WWOX: variants seen among roughly 807,000 people sequenced by gnomAD.
The protein encoded by WWOX is WW domain-containing oxidoreductase.
Under a neutral mutation model 46.2 loss-of-function variants are expected in WWOX, and 69 were observed. That is an observed-to-expected ratio of 1.49 (90% CI 1.23 to 1.82). The LOEUF (loss-of-function observed/expected upper bound fraction) is 1.82. Ranked by LOEUF, WWOX falls within the 40% of genes most tolerant of loss-of-function variation. The pLI is 0.00. For synonymous variants in WWOX, 359 were observed against 202.6 expected (o/e 1.77, Z -6.56); for missense variants, 919 against 542.6 (o/e 1.69, Z -6.89).
intron 8 of WWOX, among the ~76,000 whole-genome samples, chr16:78,606,731 T>G (rs1234199695): frequency 2.7e-5 from 4 of 150,594 alleles, no homozygotes; most frequent in East Asian, 1.9e-4. Flanking sequence ...TTTTTTTTTT[T>G]TTTTTTTTTT....
chr16:78,349,655 G>C (rs1035671877), intron 5 of WWOX, among the ~76,000 whole-genome samples: 1 of 120,068 alleles, frequency 8.3e-6, no homozygotes, highest in Admixed American at 8.1e-5. Flanking sequence ...GCACCCTTCC[G>C]ACAATCCTTC....
intron 8 of WWOX, among the ~76,000 whole-genome samples, chr16:79,007,266 A>G (rs1441863655): frequency 2.0e-5 from 3 of 152,158 alleles, no homozygotes; most frequent in African/African-American, 4.8e-5. Context: ...GAGAATAACA[A>G]AGGGAGGGAC....
intron 8 of WWOX, among the ~76,000 whole-genome samples, chr16:78,687,599 TA>T (rs5818161): frequency 0.4 from 60,600 of 151,908 alleles, 12,534 homozygotes; most frequent in Admixed American, 0.54. Flanking sequence ...GAGACCCCAA[TA>T]AACATATTTT....
chr16:78,732,170 T>G (rs950659815), intron 8 of WWOX, among the ~76,000 whole-genome samples: 9 of 152,086 alleles, frequency 5.9e-5, no homozygotes, highest in Admixed American at 4.6e-4. Flanking sequence ...AAAACTTGAA[T>G]CTGGGCCACC....
At chr16:78,158,232 G>T (rs144958932) in intron 4 of WWOX, among the ~76,000 whole-genome samples, 1 of 152,126 alleles carries the variant, frequency 6.6e-6, no homozygotes, top group Admixed American at 6.5e-5. Flanking sequence ...GGAAGATAAC[G>T]GTATGCTGAT....
Position 78,791,257 on chromosome 16 carries a change from C to T in WWOX, c.1056+358505C>T, listed in dbSNP as rs1483922872. ...CATGGGAAGCAAACACACACCCTCCCTCCGATCCACCAGGCACTCGGGTTT... is the reference window on the plus strand; with the variant it reads ...CATGGGAAGCAAACACACACCCTCCTTCCGATCCACCAGGCACTCGGGTTT... On this transcript the variant is annotated intron_variant, in intron 8 of 8. Coordinates refer to ENST00000566780, the MANE Select transcript of WWOX (RefSeq NM_016373.4). Among the ~76,000 whole-genome samples, 5 of 152,190 alleles carry T rather than the reference C, an allele frequency of 3.3e-5. No homozygotes were observed. The South Asian group carries it at 8.3e-4, about 25-fold the overall frequency.
chr16:78,443,730 G>T (rs943338544), intron 8 of WWOX, among the ~76,000 whole-genome samples: 2 of 152,162 alleles, frequency 1.3e-5, no homozygotes, highest in African/African-American at 4.8e-5. Flanking sequence ...TCTTCTGTGT[G>T]CCCGTTGGCA....
intron 8 of WWOX, among the ~76,000 whole-genome samples, chr16:78,781,476 C>T (rs554783737): frequency 1.3e-5 from 2 of 152,268 alleles, no homozygotes; most frequent in Admixed American, 6.5e-5. Flanking sequence ...AACTGCTTTT[C>T]TTTTATCAGC....
intron 8 of WWOX, among the ~76,000 whole-genome samples, chr16:78,520,351 T>C (rs2043321822): frequency 6.6e-6 from 1 of 152,216 alleles, no homozygotes; most frequent in African/African-American, 2.4e-5. Context: ...AAGGAGTAAT[T>C]TGACCAGCCC....
chr16:79,131,306 G>C (rs981720965), intron 8 of WWOX, among the ~76,000 whole-genome samples: 1 of 152,150 alleles, frequency 6.6e-6, no homozygotes, highest in Non-Finnish European at 1.5e-5. Flanking sequence ...ATGGATCCTT[G>C]AGTGAGTTAT....
intron 8 of WWOX, among the ~76,000 whole-genome samples, chr16:78,951,254 A>C (rs1218971218): frequency 6.6e-6 from 1 of 152,176 alleles, no homozygotes; most frequent in African/African-American, 2.4e-5. Context: ...CCATCTCTGT[A>C]AACTTCATTT....
intron 8 of WWOX, among the ~76,000 whole-genome samples, chr16:79,003,140 C>G (rs2047126407): frequency 6.6e-6 from 1 of 152,176 alleles, no homozygotes; most frequent in African/African-American, 2.4e-5. Flanking sequence ...ATAAGCCTCT[C>G]CAATTTACAT....
chr16:79,099,219 C>A (rs954585262), intron 8 of WWOX, among the ~76,000 whole-genome samples: 2 of 152,204 alleles, frequency 1.3e-5, no homozygotes, highest in African/African-American at 4.8e-5. Flanking sequence ...GACCCAAACA[C>A]CTCCCGGTAG....
chr16:78,474,712 A>G (rs988385452), intron 8 of WWOX, among the ~76,000 whole-genome samples: 6 of 150,610 alleles, frequency 4.0e-5, no homozygotes, highest in Non-Finnish European at 8.8e-5. Context: ...CCTGCACCCC[A>G]TATTTTTTAC....
rs184045257 is a variant in WWOX, at chr16:78,721,611, C to T, written c.1056+288859C>T. On this transcript the variant is annotated intron_variant, in intron 8 of 8. Coordinates refer to ENST00000566780, the MANE Select transcript of WWOX (RefSeq NM_016373.4). ...TGTGTTAGAAATATTTTTTATAAAG[C>T]AGGACATGTGCTTTGAAATTTGATT... Among the ~76,000 whole-genome samples, 786 of 152,240 alleles carry T rather than the reference C, an allele frequency of 5.2e-3. 5 individuals are homozygous for T. Among genetic ancestry groups the T allele is most frequent in the African/African-American group, 0.018 (732 of 41,546 alleles).
At chr16:78,436,267 C>G (rs2083334134) in intron 8 of WWOX, among the ~76,000 whole-genome samples, 1 of 152,176 alleles carries the variant, frequency 6.6e-6, no homozygotes, top group African/African-American at 2.4e-5. Flanking sequence ...GGCTTTGTCC[C>G]TGGCCCCAAA....
At chr16:78,859,050 GTA>G (rs1163926433) in intron 8 of WWOX, among the ~76,000 whole-genome samples, 81 of 40,744 alleles carry the variant, frequency 2.0e-3, no homozygotes, top group Non-Finnish European at 2.9e-3. Flanking sequence ...ATATATATAT[GTA>G]TATATATATA....
intron 8 of WWOX, among the ~76,000 whole-genome samples, chr16:78,496,832 T>A (rs542815604): frequency 3.3e-5 from 5 of 152,220 alleles, no homozygotes; most frequent in Admixed American, 2.0e-4. Context: ...ACTCCAACTT[T>A]CCGGAAACCC....
At chr16:78,387,247 A>G (rs899297948) in intron 6 of WWOX, among the ~76,000 whole-genome samples, 1 of 152,198 alleles carries the variant, frequency 6.6e-6, no homozygotes, top group African/African-American at 2.4e-5. Context: ...TCCTGATTAT[A>G]AGATTTTTTG....
Sources: allele counts gnomAD v4.1 joint callset (sites outside exome capture counted in the v4.1 genomes callset), GRCh38; gene constraint gnomAD v4.1.1; transcripts MANE v1.5; gene names NCBI Gene and HGNC (gene_info 2026-07-23, HGNC 2026-07-21).